The following PCSK5 variants were observed in gnomAD, a reference collection of about 807,000 sequenced individuals.
The protein encoded by PCSK5 is prohormone convertase 5.
Under a neutral mutation model 233.2 loss-of-function variants are expected in PCSK5, and 129 were observed. That is an observed-to-expected ratio of 0.55 (90% CI 0.48 to 0.64). PCSK5 has a LOEUF of 0.64. Ranked by LOEUF, PCSK5 falls within the 30% of genes least tolerant of loss-of-function variation. The pLI, the probability that PCSK5 is intolerant of heterozygous loss-of-function variation, is 0.00. For synonymous variants in PCSK5, 825 were observed against 879.2 expected, an observed-to-expected ratio of 0.94 and a Z score of 1.09; for missense variants, 2,076 against 2,430.1, an observed-to-expected ratio of 0.85 and a Z score of 3.06.
At chr9:75,955,793 G>C (rs1372406050) in intron 2 of PCSK5, among the ~76,000 whole-genome samples, 2 of 152,058 alleles carry the variant, frequency 1.3e-5, no homozygotes, top group African/African-American at 4.8e-5. Flanking sequence ...GTAAGTTTTT[G>C]TCAGACAGGG....
intron 35 of PCSK5, among the ~76,000 whole-genome samples, chr9:76,345,721 CTGTT>C (rs754355952): frequency 9.3e-5 from 14 of 150,080 alleles, no homozygotes; most frequent in Admixed American, 3.3e-4. Context: ...CGCGCCTGGC[CTGTT>C]TGTTTGTTTT....
At chr9:76,118,543 A>G (rs1327829341) in intron 9 of PCSK5, among the ~76,000 whole-genome samples, 1 of 152,046 alleles carries the variant, frequency 6.6e-6, no homozygotes, top group East Asian at 1.9e-4. Context: ...ATTTGCCACT[A>G]GTATCTTAGA....
intron 3 of PCSK5, among the ~76,000 whole-genome samples, chr9:75,998,971 C>A (rs1348052626): frequency 6.6e-6 from 1 of 152,134 alleles, no homozygotes; most frequent in African/African-American, 2.4e-5. Flanking sequence ...ATTTCCCGAT[C>A]TAAAAATTTT....
chr9:75,986,319 C>A, intron 3 of PCSK5, 74 bp downstream of exon 3: 3 of 853,234 alleles, frequency 3.5e-6, no homozygotes, highest in South Asian at 1.4e-5. Flanking sequence ...ATCTGTTGGT[C>A]TTGGGAGGAC....
At chr9:75,935,765 T>A (rs565941116) in intron 2 of PCSK5, among the ~76,000 whole-genome samples, 21 of 152,210 alleles carry the variant, frequency 1.4e-4, no homozygotes, top group Non-Finnish European at 2.6e-4. Flanking sequence ...TGTTTCCTCA[T>A]GATTAGATTC....
At position 76,107,555 on chromosome 9, in the gene PCSK5, TA is replaced by T. The variant is rs1487468381; in HGVS notation, c.1208+210del. On this transcript the variant is annotated intron_variant, in intron 9 of 37. Transcript: ENST00000674117. ...GATTAGGTTTTTGGTTTTACATGCT[TA>T]AAAAATCAAACTGTGTAATTACTTT... Among the ~76,000 whole-genome samples, 4 of 152,354 alleles carry T rather than the reference TA, an allele frequency of 2.6e-5. No individual in the cohort carries two copies. In the East Asian group the frequency reaches 7.7e-4, roughly 29 times the overall value.
chr9:76,244,556 T>G (rs1826524319), intron 24 of PCSK5, among the ~76,000 whole-genome samples: 1 of 124,752 alleles, frequency 8.0e-6, no homozygotes, highest in African/African-American at 3.2e-5. Flanking sequence ...CTGTTGAAAA[T>G]CCTGGGGTTT....
In PCSK5 at chr9:76,040,369, C is replaced by G. The variant is rs12238566; in HGVS notation, c.632+13332C>G. ...TCTCTCTCTCTCTCTCTCTCTCTCT[C>G]TCTCTCTCTCTCTCTGTCTCTCTCT... is the stretch of plus-strand genomic sequence containing the variant. On this transcript the variant is annotated intron_variant, in intron 5 of 37. Transcript: ENST00000674117. 0.01 allele frequency among the ~76,000 whole-genome samples: 526 copies of G among 51,404 alleles called. 12 individuals carry two copies. In the East Asian group the frequency reaches 0.14, roughly 14 times the overall value. 33.7% of individuals were successfully genotyped at this position (51,404 alleles called of 152,430 possible).
intron 10 of PCSK5, among the ~76,000 whole-genome samples, chr9:76,147,719 A>G (rs1178005807): frequency 6.6e-6 from 1 of 152,208 alleles, no homozygotes; most frequent in East Asian, 1.9e-4. Flanking sequence ...TGCCATCCTT[A>G]GAAGAATAAA....
intron 9 of PCSK5, among the ~76,000 whole-genome samples, chr9:76,112,725 T>C (rs1229230713): frequency 6.6e-6 from 1 of 152,170 alleles, no homozygotes; most frequent in Non-Finnish European, 1.5e-5. Flanking sequence ...TAAAATATTA[T>C]ATATCACTTG....
intron 35 of PCSK5, among the ~76,000 whole-genome samples, chr9:76,340,661 T>C: frequency 8.2e-6 from 1 of 122,194 alleles, no homozygotes; most frequent in African/African-American, 3.0e-5. Context: ...AAAAAAAAAC[T>C]TCAAATATTG....
chr9:76,348,597 CA>C (rs112092258), intron 35 of PCSK5, among the ~76,000 whole-genome samples: 6 of 145,710 alleles, frequency 4.1e-5, no homozygotes, highest in East Asian at 2.0e-4. Flanking sequence ...GATTCCACCT[CA>C]AAAAAAAAAG....
intron 20 of PCSK5, among the ~76,000 whole-genome samples, chr9:76,222,269 T>C (rs932835762): frequency 2.6e-5 from 4 of 152,202 alleles, no homozygotes; most frequent in African/African-American, 7.2e-5. Context: ...ACTGATTTTG[T>C]TTTTTGGCTA....
chr9:76,346,777 T>C (rs1215264649), intron 35 of PCSK5, among the ~76,000 whole-genome samples: 1 of 152,134 alleles, frequency 6.6e-6, no homozygotes, highest in East Asian at 1.9e-4. Context: ...CCTTTTTAAG[T>C]CATTAGCTCT....
At chr9:75,908,874 TTTATCTA>T (rs1564074550) in intron 1 of PCSK5, among the ~76,000 whole-genome samples, 2 of 133,442 alleles carry the variant, frequency 1.5e-5, no homozygotes. Flanking sequence ...TCTCTTTCTA[TTTATCTA>T]TCTATCTATC....
chr9:76,153,590 C>A lies in PCSK5; in HGVS notation c.1313-3455C>A, dbSNP rs369465377. Among the ~76,000 whole-genome samples, 3 of 152,294 alleles carry A rather than the reference C, an allele frequency of 2.0e-5. 1 individual carries two copies. The highest frequency in any genetic ancestry group is 1.3e-4 in the Admixed American group (2 of 15,304). On this transcript the variant is annotated intron_variant, in intron 10 of 37. Coordinates refer to ENST00000674117, the MANE Select transcript of PCSK5 (RefSeq NM_001372043.1). The stretch of plus-strand genomic sequence containing the variant: ...TAAGATTACTTTCGTTATGGAATGG[C>A]CGTATCGTAACCAACTGTTTGCATG...
At chr9:76,246,000 A>G (rs148452178) in intron 24 of PCSK5, among the ~76,000 whole-genome samples, 173 of 152,192 alleles carry the variant, frequency 1.1e-3, no homozygotes, top group Non-Finnish European at 1.9e-3. Context: ...CTTCAAGCAT[A>G]AGAAAAAGAT....
chr9:76,206,813 T>C (rs953290584), intron 20 of PCSK5, among the ~76,000 whole-genome samples: 1 of 152,238 alleles, frequency 6.6e-6, no homozygotes, highest in Non-Finnish European at 1.5e-5. Context: ...AATCTTGCTG[T>C]ATTAATTTCT....
intron 5 of PCSK5, among the ~76,000 whole-genome samples, chr9:76,060,790 G>A (rs1011699693): frequency 2.6e-5 from 4 of 152,020 alleles, no homozygotes; most frequent in Non-Finnish European, 5.9e-5. Flanking sequence ...ACCTAAGATT[G>A]CCACTAAATA....
Sources: allele counts gnomAD v4.1 joint callset (sites outside exome capture counted in the v4.1 genomes callset), GRCh38; gene constraint gnomAD v4.1.1; transcripts MANE v1.5; gene names NCBI Gene and HGNC (gene_info 2026-07-23, HGNC 2026-07-21).